Variants in FAM117A observed in about 807,000 individuals in gnomAD.
The protein encoded by FAM117A is family with sequence similarity 117 member A, also known as protein FAM117A.
FAM117A carries 21 observed loss-of-function variants against 44.1 expected under a neutral mutation model. The observed-to-expected ratio is 0.48, with a 90% CI of 0.34 to 0.69. FAM117A has a LOEUF of 0.69. FAM117A is among the 30% of genes least tolerant of loss of function. The pLI is 0.01. For missense variants in FAM117A, 498 were observed against 589.9 expected (o/e 0.84, Z 1.61); for synonymous variants, 220 against 238.3 (o/e 0.92, Z 0.71).
chr17:49,757,387 A>T (rs1218877638), intron 1 of FAM117A, among the ~76,000 whole-genome samples: 2 of 152,224 alleles, frequency 1.3e-5, no homozygotes, highest in East Asian at 3.8e-4. Flanking sequence ...GATTAGCTGC[A>T]GTGCTCCCAC....
chr17:49,752,992 A>G (rs1389108770), intron 1 of FAM117A, among the ~76,000 whole-genome samples: 1 of 151,868 alleles, frequency 6.6e-6, no homozygotes, highest in Non-Finnish European at 1.5e-5. Context: ...CCTTCCGAGT[A>G]GCTGGGACTA....
intron 2 of FAM117A, among the ~76,000 whole-genome samples, chr17:49,723,336 C>T (rs1487285242): frequency 6.6e-6 from 1 of 152,188 alleles, no homozygotes; most frequent in Non-Finnish European, 1.5e-5. Context: ...CCTCAGTGTG[C>T]ATCTTCTCTC....
intron 1 of FAM117A, among the ~76,000 whole-genome samples, chr17:49,780,484 A>G (rs889395512): frequency 2.0e-5 from 3 of 151,926 alleles, no homozygotes; most frequent in Admixed American, 2.0e-4. Context: ...GGGCTCAAGC[A>G]ATCCTCCCAC....
intron 1 of FAM117A, among the ~76,000 whole-genome samples, chr17:49,755,064 A>G (rs1298835966): frequency 6.7e-6 from 1 of 149,382 alleles, no homozygotes; most frequent in Non-Finnish European, 1.5e-5. Context: ...AAAAAAAGCC[A>G]TTTTCACTAA....
Position 49,720,359 on chromosome 17 carries a change from G to A in FAM117A, c.540C>T (p.Leu180=), listed in dbSNP as rs761407055. 1 of 1,613,910 alleles carries A rather than the reference G, an allele frequency of 6.2e-7. No homozygotes were observed. The highest frequency in any genetic ancestry group is 1.1e-5 in the South Asian group (1 of 91,082). Reference sequence around the variant, plus strand: ...CTCCCCGCACTGCGTGGTCCCCTAGGAGTGGTGAACCTCGCTCCTTCTCTT... The same window carrying A: ...CTCCCCGCACTGCGTGGTCCCCTAGAAGTGGTGAACCTCGCTCCTTCTCTT... The part of the protein sequence containing the change: ...SGKEKERGSP[L]LGDHAVRGAL... Residue 180 remains leucine (L), a synonymous_variant, in exon 4 of 8, where the codon CTC becomes CTT. Coordinates refer to ENST00000240364, the MANE Select transcript of FAM117A (RefSeq NM_030802.4).
At chr17:49,780,629 G>A (rs2073786955) in intron 1 of FAM117A, among the ~76,000 whole-genome samples, 2 of 152,050 alleles carry the variant, frequency 1.3e-5, no homozygotes, top group South Asian at 4.1e-4. Flanking sequence ...CTCAGCCTCC[G>A]AAAAGTGCTG....
At chr17:49,772,478 G>A (rs560291236) in intron 1 of FAM117A, among the ~76,000 whole-genome samples, 10 of 152,062 alleles carry the variant, frequency 6.6e-5, no homozygotes, top group Admixed American at 2.6e-4. Context: ...TTGGCCGGGC[G>A]CAGTGACTCA....
chr17:49,756,525 G>A (rs2073699158), intron 1 of FAM117A, among the ~76,000 whole-genome samples: 1 of 150,892 alleles, frequency 6.6e-6, no homozygotes, highest in Admixed American at 6.6e-5. Context: ...GGCACCCCGT[G>A]GATGGCTTGA....
chr17:49,733,000 A>T, intron 1 of FAM117A: 4 of 361,968 alleles, frequency 1.1e-5, no homozygotes, highest in South Asian at 3.9e-5. Flanking sequence ...CCTGCTCCTA[A>T]TGGACTATGA....
At chr17:49,786,019 AT>A (rs765902097) in intron 1 of FAM117A, among the ~76,000 whole-genome samples, 1 of 152,198 alleles carries the variant, frequency 6.6e-6, no homozygotes, top group Non-Finnish European at 1.5e-5. Context: ...CAAAGTAAAT[AT>A]TATATTTGGT....
chr17:49,764,394 G>A (rs2073737845), upstream of FAM117A, among the ~76,000 whole-genome samples: 1 of 152,136 alleles, frequency 6.6e-6, no homozygotes, highest in South Asian at 2.1e-4. Context: ...GTTCTCCAGC[G>A]CCACCAATGA....
At chr17:49,743,928 T>TA (rs894538027) in intron 1 of FAM117A, among the ~76,000 whole-genome samples, 25 of 142,478 alleles carry the variant, frequency 1.8e-4, no homozygotes, top group South Asian at 4.5e-4. Context: ...GACCCTGTCT[T>TA]AAAAAAAAAA....
At chr17:49,775,637 G>A (rs941321038) in intron 1 of FAM117A, among the ~76,000 whole-genome samples, 4 of 152,298 alleles carry the variant, frequency 2.6e-5, no homozygotes, top group Middle Eastern at 3.4e-3. Flanking sequence ...GAGTTGTGTT[G>A]TGCAGCGGAA....
intron 1 of FAM117A, among the ~76,000 whole-genome samples, chr17:49,758,947 A>C (rs543838756): frequency 1.3e-5 from 2 of 152,326 alleles, no homozygotes; most frequent in South Asian, 2.1e-4. Context: ...ATTCAAAATA[A>C]ACTGAATTCA....
Position 49,729,538 on chromosome 17 carries a change from C to T in FAM117A, c.366+3013G>A, listed in dbSNP as rs60350027. 8.0e-3 allele frequency among the ~76,000 whole-genome samples: 1,171 copies of T among 146,356 alleles called. 19 individuals carry two copies. Among genetic ancestry groups the T allele is most frequent in the African/African-American group, 0.028 (1,096 of 39,458 alleles). On this transcript the variant is annotated intron_variant, in intron 2 of 7. Coordinates refer to ENST00000240364, the MANE Select transcript of FAM117A (RefSeq NM_030802.4). ...TTTTTTTTTTTTTGACACAGAGTCT[C>T]GCTCTGTTGCCAGGCTGGAGTGCAG... is the stretch of plus-strand genomic sequence containing the variant.
intron 1 of FAM117A, among the ~76,000 whole-genome samples, chr17:49,750,281 C>T (rs917521382): frequency 2.7e-5 from 4 of 148,986 alleles, no homozygotes; most frequent in Admixed American, 1.3e-4. Context: ...CATGCAGACA[C>T]ACACACACAC....
At chr17:49,727,669 G>C (rs1039522431) in intron 2 of FAM117A, among the ~76,000 whole-genome samples, 3 of 152,142 alleles carry the variant, frequency 2.0e-5, no homozygotes, top group Non-Finnish European at 4.4e-5. Flanking sequence ...GTTTCTCAAA[G>C]AGCCATCTAA....
upstream of FAM117A, among the ~76,000 whole-genome samples, chr17:49,764,961 A>G (rs530381984): frequency 2.6e-5 from 4 of 152,338 alleles, no homozygotes; most frequent in South Asian, 6.2e-4. Context: ...GGAACAAAGC[A>G]ACTGAAAAAC....
At chr17:49,747,842 C>T (rs2143764129) in intron 1 of FAM117A, among the ~76,000 whole-genome samples, 1 of 152,280 alleles carries the variant, frequency 6.6e-6, no homozygotes, top group East Asian at 1.9e-4. Flanking sequence ...CCAGGGCAGA[C>T]CTTGTTTTGA....
Sources: allele counts gnomAD v4.1 joint callset (sites outside exome capture counted in the v4.1 genomes callset), GRCh38; gene constraint gnomAD v4.1.1; transcripts MANE v1.5; gene names NCBI Gene and HGNC (gene_info 2026-07-23, HGNC 2026-07-21).